The following HYCC1 variants were observed in gnomAD, a reference collection of about 807,000 sequenced individuals.
The protein encoded by HYCC1 is hyccin.
the HYCC1 span, among the ~76,000 whole-genome samples, chr7:23,002,148 A>ATATATATATATATATACACAAT: frequency 7.9e-5 from 2 of 25,366 alleles, no homozygotes; most frequent in African/African-American, 4.9e-4. Flanking sequence ...ATATATATAT[A>ATATATATATATATATACACAAT]TATATATATA....
At chr7:22,939,720 T>C in the HYCC1 span, 3 of 152,172 alleles carry the variant, frequency 2.0e-5, no homozygotes, top group Non-Finnish European at 2.9e-5. Context: ...GTGAGAGTCC[T>C]AAGACCTGTG....
the HYCC1 span, chr7:22,976,814 G>C: frequency 6.4e-7 from 1 of 1,554,610 alleles, no homozygotes; most frequent in South Asian, 1.1e-5. Context: ...GAAGGCTAGA[G>C]AAAAGACATT....
chr7:22,929,647 C>G, the HYCC1 span, among the ~76,000 whole-genome samples: 1 of 152,178 alleles, frequency 6.6e-6, no homozygotes, highest in Non-Finnish European at 1.5e-5. Context: ...AATGAGATAC[C>G]ATCTCACACC....
the HYCC1 span, among the ~76,000 whole-genome samples, chr7:22,918,711 C>T: frequency 6.6e-6 from 1 of 152,108 alleles, no homozygotes; most frequent in South Asian, 2.1e-4. Flanking sequence ...GAGCTCCCCA[C>T]TGAGCACCTT....
At chr7:22,973,745 C>A in the HYCC1 span, among the ~76,000 whole-genome samples, 1 of 152,028 alleles carries the variant, frequency 6.6e-6, no homozygotes, top group Non-Finnish European at 1.5e-5. Context: ...TACTTGCATT[C>A]TCTGTTGAAG....
chr7:22,990,755 A>C, the HYCC1 span, among the ~76,000 whole-genome samples: 1 of 152,196 alleles, frequency 6.6e-6, no homozygotes, highest in Non-Finnish European at 1.5e-5. Flanking sequence ...ACATTTTGAC[A>C]ATGAATCACT....
At chr7:22,963,663 TC>T in the HYCC1 span, among the ~76,000 whole-genome samples, 1 of 152,190 alleles carries the variant, frequency 6.6e-6, no homozygotes, top group Non-Finnish European at 1.5e-5. Flanking sequence ...TCTCACCTAT[TC>T]AACTCTGCCA....
chr7:22,987,102 A>G, the HYCC1 span, among the ~76,000 whole-genome samples: 1 of 152,218 alleles, frequency 6.6e-6, no homozygotes, highest in Non-Finnish European at 1.5e-5. Flanking sequence ...GGAGTCTGGA[A>G]ATCTGCTAGA....
At chr7:22,978,581 G>C in the HYCC1 span, 3 of 748,670 alleles carry the variant, frequency 4.0e-6, no homozygotes, top group Admixed American at 2.4e-5. Context: ...TAAGTTGTAG[G>C]GAGTTTCTTC....
At chr7:22,923,005 A>T in the HYCC1 span, among the ~76,000 whole-genome samples, 1 of 152,228 alleles carries the variant, frequency 6.6e-6, no homozygotes, top group Non-Finnish European at 1.5e-5. Flanking sequence ...AGATAGAACA[A>T]CTATGCAGAA....
the HYCC1 span, among the ~76,000 whole-genome samples, chr7:22,898,911 T>C: frequency 6.6e-6 from 1 of 152,216 alleles, no homozygotes; most frequent in South Asian, 2.1e-4. Context: ...GGTCCGAATA[T>C]TTCTCAATCC....
At chr7:22,966,153 AGT>A in the HYCC1 span, among the ~76,000 whole-genome samples, 1 of 152,256 alleles carries the variant, frequency 6.6e-6, no homozygotes, top group African/African-American at 2.4e-5. Flanking sequence ...ATAGGCGTAT[AGT>A]GTGTGTCACT....
chr7:22,994,375 T>C, the HYCC1 span, among the ~76,000 whole-genome samples: 16 of 152,230 alleles, frequency 1.1e-4, no homozygotes, highest in Middle Eastern at 3.4e-3. Context: ...ATAAAACGAA[T>C]CCATTTGTGT....
chr7:22,923,253 A>G, the HYCC1 span, among the ~76,000 whole-genome samples: 2 of 152,192 alleles, frequency 1.3e-5, no homozygotes, highest in Admixed American at 6.5e-5. Flanking sequence ...ATTAACAGAA[A>G]GGAATGTGGG....
the HYCC1 span, among the ~76,000 whole-genome samples, chr7:22,911,485 C>T: frequency 1.1e-4 from 17 of 152,178 alleles, no homozygotes; most frequent in African/African-American, 3.6e-4. Flanking sequence ...AAAGGCCAGG[C>T]GCAGTGGCTC....
At chr7:23,000,733 TTAA>T in the HYCC1 span, among the ~76,000 whole-genome samples, 1 of 152,214 alleles carries the variant, frequency 6.6e-6, no homozygotes, top group South Asian at 2.1e-4. Context: ...AAGGAGAGAC[TTAA>T]TAAGAGCTTC....
chr7:22,957,116 T>C, the HYCC1 span, among the ~76,000 whole-genome samples: 1 of 151,784 alleles, frequency 6.6e-6, no homozygotes, highest in Non-Finnish European at 1.5e-5. Context: ...CAATGTGAGA[T>C]TGGGCTGTAA....
At chr7:22,932,644 T>C in the HYCC1 span, among the ~76,000 whole-genome samples, 3 of 152,114 alleles carry the variant, frequency 2.0e-5, no homozygotes, top group Admixed American at 6.6e-5. Context: ...ACTTTTTTAG[T>C]TGATGATATT....
the HYCC1 span, among the ~76,000 whole-genome samples, chr7:22,925,271 GC>G: frequency 1.3e-5 from 2 of 152,188 alleles, no homozygotes; most frequent in African/African-American, 2.4e-5. Flanking sequence ...AAAAATCAGA[GC>G]GCCTCTCCTC....
Sources: gnomAD v4.1 joint callset for allele counts (sites outside exome capture counted in the v4.1 genomes callset) on GRCh38, gnomAD v4.1.1 for gene constraint, MANE v1.5 for transcripts, NCBI Gene and HGNC (gene_info 2026-07-23, HGNC 2026-07-21) for gene names.